Variants in RALYL observed in about 807,000 individuals in gnomAD.
RALYL encodes the protein RALY RNA binding protein like, also known as RNA-binding Raly-like protein.
In RALYL, 29 loss-of-function variants were observed where a neutral mutation model predicts 35.1. The observed-to-expected ratio is 0.83, with a 90% CI of 0.61 to 1.13. RALYL has a LOEUF of 1.13. RALYL is among the 50% of genes most tolerant of loss of function. The pLI is 0.00. For missense variants in RALYL, 359 were observed against 360.4 expected (o/e 1.00, Z 0.03); for synonymous variants, 120 against 127.6 (o/e 0.94, Z 0.40).
At chr8:84,314,771 C>T (rs187748230) in intron 1 of RALYL, among the ~76,000 whole-genome samples, 23 of 151,760 alleles carry the variant, frequency 1.5e-4, no homozygotes, top group African/African-American at 4.6e-4. Flanking sequence ...TCACCATAAG[C>T]GAAATATAAC....
chr8:84,251,817 T>A (rs533853597), intron 1 of RALYL, among the ~76,000 whole-genome samples: 1 of 152,178 alleles, frequency 6.6e-6, no homozygotes, highest in South Asian at 2.1e-4. Flanking sequence ...TTTGTTTTTT[T>A]CTTTTAATAT....
chr8:84,615,296 A>C (rs1819225660), intron 2 of RALYL, among the ~76,000 whole-genome samples: 1 of 151,136 alleles, frequency 6.6e-6, no homozygotes, highest in Non-Finnish European at 1.5e-5. Flanking sequence ...CAGTTGTATC[A>C]GCTTTAAAGA....
intron 1 of RALYL, among the ~76,000 whole-genome samples, chr8:84,482,155 T>A (rs1181136292): frequency 6.6e-6 from 1 of 152,032 alleles, no homozygotes; most frequent in African/African-American, 2.4e-5. Context: ...ACCAGAAATT[T>A]TTAAAAATAA....
intron 6 of RALYL, among the ~76,000 whole-genome samples, chr8:84,866,658 C>A (rs1839226691): frequency 6.6e-6 from 1 of 151,968 alleles, no homozygotes; most frequent in Non-Finnish European, 1.5e-5. Context: ...TGAGCCAGCA[C>A]ATGTAGAGCT....
At chr8:84,905,200 G>A (rs890241795) in intron 8 of RALYL, among the ~76,000 whole-genome samples, 1 of 152,062 alleles carries the variant, frequency 6.6e-6, no homozygotes, top group Admixed American at 6.6e-5. Context: ...TTGTCTTACT[G>A]TCACTCAGCA....
intron 1 of RALYL, among the ~76,000 whole-genome samples, chr8:84,248,332 T>C (rs1326935364): frequency 1.3e-5 from 2 of 152,092 alleles, no homozygotes; most frequent in Non-Finnish European, 2.9e-5. Context: ...GTAGTCCTAT[T>C]CAGCAACTTT....
intron 2 of RALYL, among the ~76,000 whole-genome samples, chr8:84,745,921 T>C (rs993740841): frequency 6.6e-6 from 1 of 152,028 alleles, no homozygotes; most frequent in Non-Finnish European, 1.5e-5. Context: ...TTCAGCCAGA[T>C]TGATGCAAGC....
chr8:84,562,929 A>G (rs2061557327), intron 2 of RALYL, among the ~76,000 whole-genome samples: 1 of 151,938 alleles, frequency 6.6e-6, no homozygotes. Flanking sequence ...CTGTGGCTTT[A>G]TGGCATGCAG....
intron 2 of RALYL, among the ~76,000 whole-genome samples, chr8:84,619,951 G>C (rs1385915312): frequency 6.6e-6 from 1 of 151,112 alleles, no homozygotes; most frequent in African/African-American, 2.4e-5. Context: ...TAGGGTTTCT[G>C]CTGAGAGATC....
chr8:84,864,154 G>A (rs1415424796), intron 6 of RALYL, among the ~76,000 whole-genome samples: 1 of 151,962 alleles, frequency 6.6e-6, no homozygotes, highest in Non-Finnish European at 1.5e-5. Context: ...AAGTCCAATG[G>A]TAAATCACAC....
chr8:84,327,299 G>A (rs1348719276), intron 1 of RALYL, among the ~76,000 whole-genome samples: 1 of 151,930 alleles, frequency 6.6e-6, no homozygotes, highest in Non-Finnish European at 1.5e-5. Flanking sequence ...TATTCTAGGT[G>A]GTCTGATACA....
chr8:84,700,011 T>C (rs973550055), intron 2 of RALYL, among the ~76,000 whole-genome samples: 3 of 152,090 alleles, frequency 2.0e-5, no homozygotes, highest in African/African-American at 7.2e-5. Context: ...CTTGAACCCA[T>C]CCAAAGGATA....
At chr8:84,790,265 A>C (rs77631098) in intron 3 of RALYL, among the ~76,000 whole-genome samples, 5,297 of 152,318 alleles carry the variant, frequency 0.035, 177 homozygotes, top group East Asian at 0.13. Flanking sequence ...AAGACAGCCA[A>C]ATTTTAGGGA....
intron 4 of RALYL, among the ~76,000 whole-genome samples, chr8:84,849,088 G>A (rs1835267129): frequency 6.6e-6 from 1 of 152,154 alleles, no homozygotes; most frequent in Non-Finnish European, 1.5e-5. Flanking sequence ...GACTGTAATT[G>A]AAATGCATAT....
Position 84,878,283 on chromosome 8 carries a change from T to C in RALYL, c.685+4886T>C, listed in dbSNP as rs551244257. Among the ~76,000 whole-genome samples, 22 of 152,162 alleles carry C rather than the reference T, an allele frequency of 1.4e-4. No individual in the cohort carries two copies. In the South Asian group the frequency reaches 2.5e-3, roughly 17 times the overall value. ...AGGGAGAAAGTTTCCGTAATTACTGTAGAAATGCCCACCTTCTCCCTGACT... is the reference window on the plus strand; with the variant it reads ...AGGGAGAAAGTTTCCGTAATTACTGCAGAAATGCCCACCTTCTCCCTGACT... On this transcript the variant is annotated intron_variant, in intron 7 of 8. Coordinates refer to ENST00000521268, the MANE Select transcript of RALYL (RefSeq NM_173848.7).
intron 1 of RALYL, among the ~76,000 whole-genome samples, chr8:84,306,772 C>T (rs78505532): frequency 0.027 from 4,120 of 152,250 alleles, 102 homozygotes; most frequent in Non-Finnish European, 0.031. Flanking sequence ...CTTCCCATAA[C>T]TCTGGGTAAT....
chr8:84,261,434 C>T (rs1832288749), intron 1 of RALYL, among the ~76,000 whole-genome samples: 1 of 152,072 alleles, frequency 6.6e-6, no homozygotes, highest in Non-Finnish European at 1.5e-5. Flanking sequence ...CAATGGACTT[C>T]TCCCTTTTGC....
intron 1 of RALYL, among the ~76,000 whole-genome samples, chr8:84,455,646 A>G (rs992503999): frequency 1.3e-5 from 2 of 152,036 alleles, no homozygotes; most frequent in African/African-American, 4.8e-5. Context: ...AAACATCCAT[A>G]ATAATCAAAT....
At chr8:84,557,013 G>A (rs962247129) in intron 2 of RALYL, among the ~76,000 whole-genome samples, 1 of 152,162 alleles carries the variant, frequency 6.6e-6, no homozygotes, top group Non-Finnish European at 1.5e-5. Context: ...GCATTTAGGA[G>A]ATACAGCCGC....
Sources: gnomAD v4.1 joint callset for allele counts (sites outside exome capture counted in the v4.1 genomes callset) on GRCh38, gnomAD v4.1.1 for gene constraint, MANE v1.5 for transcripts, NCBI Gene and HGNC (gene_info 2026-07-23, HGNC 2026-07-21) for gene names.